The following FAM24B variants were observed in gnomAD, a reference collection of about 807,000 sequenced individuals.
FAM24B encodes the protein family with sequence similarity 24 member B.
A neutral mutation model predicts 2.3 loss-of-function variants in FAM24B; 3 were observed. The ratio of observed to expected loss-of-function variants is 1.29; its 90% confidence interval spans 0.59 to 3.32. The LOEUF is 3.32. Ranked by LOEUF, FAM24B falls within the 30% of genes most tolerant of loss-of-function variation. FAM24B has a pLI of 0.03. For synonymous variants in FAM24B, 36 were observed against 46.3 expected (o/e 0.78, Z 0.90); for missense variants, 98 against 117.2 (o/e 0.84, Z 0.76).
Position 122,850,530 on chromosome 10 carries a change from G to A in FAM24B, c.-15C>T. ...ATGACAGGCATAATCACTGTATGGA[G>A]GTCAAAAGACTTCGATGTACCTAGG... On this transcript the variant is annotated 5_prime_UTR_variant, in exon 3 of 4. Transcript: ENST00000368898. 1 of 1,592,926 alleles carries A rather than the reference G, an allele frequency of 6.3e-7. No individual in the cohort carries two copies. Among genetic ancestry groups the A allele is most frequent in the Non-Finnish European group, 8.6e-7 (1 of 1,160,562 alleles).
At chr10:122,873,438 A>T (rs1847930023) in intron 1 of FAM24B, among the ~76,000 whole-genome samples, 1 of 152,244 alleles carries the variant, frequency 6.6e-6, no homozygotes, top group Non-Finnish European at 1.5e-5. Flanking sequence ...CTGCTCAGAA[A>T]AAAGTTCCTT....
At chr10:122,850,397 GTTGT>G (rs775053598) in intron 3 of FAM24B, 23 bp downstream of exon 3, 3 of 1,575,640 alleles carry the variant, frequency 1.9e-6, no homozygotes, top group Non-Finnish European at 1.7e-6. Context: ...ACTTTAGTAC[GTTGT>G]TTATTTTGAA....
intron 1 of FAM24B, among the ~76,000 whole-genome samples, chr10:122,859,799 GT>G (rs1165708661): frequency 6.6e-6 from 1 of 152,182 alleles, no homozygotes; most frequent in Non-Finnish European, 1.5e-5. Context: ...TCCCTGGAGA[GT>G]TTAAGGCTAG....
intron 1 of FAM24B, among the ~76,000 whole-genome samples, chr10:122,871,798 A>G (rs1345568559): frequency 2.6e-5 from 4 of 152,274 alleles, no homozygotes; most frequent in African/African-American, 9.6e-5. Context: ...AAGATGGATT[A>G]AAGACTTACA....
chr10:122,863,029 A>G (rs1847751160), intron 1 of FAM24B, among the ~76,000 whole-genome samples: 1 of 152,118 alleles, frequency 6.6e-6, no homozygotes, highest in African/African-American at 2.4e-5. Flanking sequence ...CTCAATTTCA[A>G]TGAGAACCAT....
Position 122,850,462 on chromosome 10 carries a change from G to A in FAM24B, c.54C>T (p.Val18=), listed in dbSNP as rs774846945. ...ILAALLLLIV[V]VLCLYFKIHN... ...GTATTTTGAAGTAAAGACAGAGCAC[G>A]ACAACTATCAGCAGGAGCAAGGCCG... Residue 18 remains valine (V), a synonymous_variant, in exon 3 of 4, where the codon GTC becomes GTT. Coordinates refer to ENST00000368898, the MANE Select transcript of FAM24B (RefSeq NM_152644.3). 46 of 1,613,944 alleles carry A rather than the reference G, an allele frequency of 2.9e-5. No individual in the cohort carries two copies. The highest frequency in any genetic ancestry group is 3.3e-4 in the Middle Eastern group (2 of 6,082).
intron 1 of FAM24B, among the ~76,000 whole-genome samples, chr10:122,870,945 G>T (rs1029622941): frequency 6.6e-6 from 1 of 152,116 alleles, no homozygotes; most frequent in Non-Finnish European, 1.5e-5. Flanking sequence ...GGGCAATCAG[G>T]CAGAAGAAGG....
At chr10:122,853,714 A>AC (rs1276795456) in intron 2 of FAM24B, among the ~76,000 whole-genome samples, 1 of 152,136 alleles carries the variant, frequency 6.6e-6, no homozygotes, top group East Asian at 1.9e-4. Flanking sequence ...ATATGGTGAG[A>AC]CCCCATCTCT....
intron 1 of FAM24B, among the ~76,000 whole-genome samples, chr10:122,869,434 C>G (rs548921449): frequency 4.6e-5 from 7 of 152,308 alleles, no homozygotes; most frequent in African/African-American, 1.2e-4. Context: ...CCAAGTGGAC[C>G]TAACAGACAT....
intron 1 of FAM24B, among the ~76,000 whole-genome samples, chr10:122,863,897 A>G (rs899352753): frequency 6.6e-6 from 1 of 152,204 alleles, no homozygotes; most frequent in Non-Finnish European, 1.5e-5. Context: ...CACAAATCCT[A>G]CAAAAGGACT....
chr10:122,867,830 A>C (rs1030471364), intron 1 of FAM24B, among the ~76,000 whole-genome samples: 29 of 152,148 alleles, frequency 1.9e-4, no homozygotes, highest in African/African-American at 6.8e-4. Context: ...ATAAAACCAC[A>C]AAGATGGGGA....
chr10:122,859,371 A>G (rs1847692164), intron 1 of FAM24B, among the ~76,000 whole-genome samples: 4 of 152,248 alleles, frequency 2.6e-5, no homozygotes, highest in Admixed American at 2.6e-4. Context: ...ATACCTTATC[A>G]GAACAGAGGC....
chr10:122,861,536 T>G (rs539944716), intron 1 of FAM24B, among the ~76,000 whole-genome samples: 9 of 152,210 alleles, frequency 5.9e-5, no homozygotes, highest in African/African-American at 2.2e-4. Context: ...TTGGGGAGAA[T>G]TGACATCTTC....
intron 1 of FAM24B, among the ~76,000 whole-genome samples, chr10:122,868,685 G>C (rs1413499560): frequency 6.6e-6 from 1 of 152,134 alleles, no homozygotes; most frequent in Non-Finnish European, 1.5e-5. Flanking sequence ...GCCAAACTAA[G>C]CTTCATAAGT....
chr10:122,879,278 C>T (rs893993665), intron 1 of FAM24B, among the ~76,000 whole-genome samples: 1 of 152,256 alleles, frequency 6.6e-6, no homozygotes, highest in Admixed American at 6.5e-5. Context: ...ACCTCAACTC[C>T]CCTCTAACGC....
At position 122,862,699 on chromosome 10, in the gene FAM24B, G is replaced by A. The variant is rs111377483; in HGVS notation, c.-177-6913C>T. 8.3e-3 allele frequency among the ~76,000 whole-genome samples: 1,257 copies of A among 152,110 alleles called. 20 individuals carry two copies. The highest frequency in any genetic ancestry group is 0.029 in the African/African-American group (1,199 of 41,496). On this transcript the variant is annotated intron_variant, in intron 1 of 3. Transcript: ENST00000368898. ...ATAAGTCAGGTTCATTACAAACTGG[G>A]TTTTTTAACACAAATGCAAATAATA...
intron 1 of FAM24B, among the ~76,000 whole-genome samples, chr10:122,872,883 G>A (rs551732498): frequency 1.2e-3 from 175 of 151,912 alleles, no homozygotes; most frequent in Non-Finnish European, 1.8e-3. Context: ...ACATGTATAC[G>A]TATGTAACAA....
chr10:122,863,462 CAA>C lies in FAM24B; in HGVS notation c.-177-7678_-177-7677del, dbSNP rs544776002. ...GGTTCCAGAGGCAGGCTATAAACCT[CAA>C]GACTAGTGGCTAGCAAACTGTATGT... On this transcript the variant is annotated intron_variant, in intron 1 of 3. Transcript: ENST00000368898. 4.9e-4 allele frequency among the ~76,000 whole-genome samples: 74 copies of C among 152,298 alleles called. 1 individual carries two copies. In the South Asian group the frequency reaches 9.5e-3, roughly 20 times the overall value.
intron 1 of FAM24B, among the ~76,000 whole-genome samples, chr10:122,859,736 G>A (rs1847697860): frequency 6.6e-6 from 1 of 152,200 alleles, no homozygotes; most frequent in Admixed American, 6.5e-5. Context: ...AGGGAAGCAG[G>A]ACTGAAGGGT....
Sources: allele counts gnomAD v4.1 joint callset (sites outside exome capture counted in the v4.1 genomes callset), GRCh38; gene constraint gnomAD v4.1.1; transcripts MANE v1.5; gene names NCBI Gene and HGNC (gene_info 2026-07-23, HGNC 2026-07-21).